The following KLF17 variants were observed in gnomAD, a reference collection of about 807,000 sequenced individuals.
The protein encoded by KLF17 is KLF transcription factor 17, also known as Krueppel-like factor 17.
Under a neutral mutation model 34.2 loss-of-function variants are expected in KLF17, and 31 were observed. The ratio of observed to expected loss-of-function variants is 0.91; its 90% CI spans 0.68 to 1.22. The LOEUF is 1.22. Ranked by LOEUF, KLF17 falls within the 50% of genes most tolerant of loss-of-function variation. The pLI is 0.00. For missense variants in KLF17, 478 were observed against 505.2 expected (o/e 0.95, Z 0.52); for synonymous variants, 179 against 186.7 (o/e 0.96, Z 0.34).
the KLF17 span, among the ~76,000 whole-genome samples, chr1:44,060,224 C>A: frequency 5.9e-5 from 9 of 152,230 alleles, no homozygotes; most frequent in Admixed American, 4.6e-4. Flanking sequence ...AATCCCAGCA[C>A]TTTAGGAGGC....
chr1:44,059,335 G>A, the KLF17 span, among the ~76,000 whole-genome samples: 1 of 152,146 alleles, frequency 6.6e-6, no homozygotes, highest in Non-Finnish European at 1.5e-5. Context: ...TGGGTATAGA[G>A]GCCACTCTAA....
chr1:44,105,675 T>C, the KLF17 span, among the ~76,000 whole-genome samples: 1 of 152,252 alleles, frequency 6.6e-6, no homozygotes. Flanking sequence ...TTTTTTCTTT[T>C]TAATTTTTTT....
chr1:44,068,025 T>G, the KLF17 span, among the ~76,000 whole-genome samples: 2 of 151,916 alleles, frequency 1.3e-5, no homozygotes, highest in Non-Finnish European at 2.9e-5. Context: ...CTCAGCACTT[T>G]TTTTTTCTTT....
the KLF17 span, chr1:44,074,930 G>A: frequency 2.0e-5 from 3 of 152,332 alleles, no homozygotes; most frequent in East Asian, 1.9e-4. Flanking sequence ...AGACTGACCA[G>A]TCAGTGGACA....
chr1:44,103,533 G>A, the KLF17 span: 8 of 1,326,920 alleles, frequency 6.0e-6, no homozygotes, highest in East Asian at 2.3e-5. Context: ...GGTGGTCTTC[G>A]TATGGATACT....
At chr1:44,075,030 G>T in the KLF17 span, 1 of 152,010 alleles carries the variant, frequency 6.6e-6, no homozygotes, top group African/African-American at 2.4e-5. Context: ...GACGGCTCAT[G>T]CCTGTAATCC....
chr1:44,130,986 G>T (rs529840932), intron 3 of KLF17, among the ~76,000 whole-genome samples: 1 of 152,026 alleles, frequency 6.6e-6, no homozygotes, highest in East Asian at 1.9e-4. Context: ...TAGTAGAGAC[G>T]GGGTTTCACT....
the KLF17 span, among the ~76,000 whole-genome samples, chr1:44,067,991 G>A: frequency 3.3e-5 from 5 of 152,132 alleles, no homozygotes; most frequent in South Asian, 1.0e-3. Flanking sequence ...ATCTGGGCAT[G>A]AGAAGGACAG....
chr1:44,128,039 C>A (rs997336375), intron 1 of KLF17, among the ~76,000 whole-genome samples: 2 of 152,002 alleles, frequency 1.3e-5, no homozygotes, highest in African/African-American at 4.8e-5. Flanking sequence ...ATTCGTTTCT[C>A]AACTCAAGAG....
chr1:44,086,288 G>A, the KLF17 span, among the ~76,000 whole-genome samples: 1 of 152,190 alleles, frequency 6.6e-6, no homozygotes, highest in Admixed American at 6.6e-5. Flanking sequence ...GCAACATGGA[G>A]AAACCCCGTC....
At chr1:44,066,515 C>T in the KLF17 span, among the ~76,000 whole-genome samples, 1 of 151,800 alleles carries the variant, frequency 6.6e-6, no homozygotes, top group Non-Finnish European at 1.5e-5. Flanking sequence ...AAAGAGCCAC[C>T]ATGCCTGGCC....
chr1:44,091,635 CAAA>C, the KLF17 span, among the ~76,000 whole-genome samples: 10 of 79,028 alleles, frequency 1.3e-4, no homozygotes, highest in Non-Finnish European at 2.0e-4. Flanking sequence ...GACTCCATCT[CAAA>C]AAAAAAAAAA....
rs369800381 is a variant in KLF17, at chr1:44,130,215, G to C, written c.925+19G>C. 6.3e-6 allele frequency: 10 copies of C among 1,594,266 alleles called. No homozygotes were observed. In the Admixed American group the frequency reaches 1.2e-4, roughly 19 times the overall value. On this transcript the variant is annotated intron_variant, in intron 2 of 3. Coordinates refer to ENST00000372299, the MANE Select transcript of KLF17 (RefSeq NM_173484.4). ...CACACAGGTGAAGGAGGTGTCAGGT[G>C]GGGTGGGGATGGAGGAGTCTCTGGG...
At chr1:44,062,715 CAAA>C in the KLF17 span, among the ~76,000 whole-genome samples, 112 of 118,656 alleles carry the variant, frequency 9.4e-4, no homozygotes, top group African/African-American at 2.8e-3. Context: ...GAACCTGTCT[CAAA>C]AAAAAAAAAA....
chr1:44,092,250 G>A, the KLF17 span, among the ~76,000 whole-genome samples: 7 of 152,028 alleles, frequency 4.6e-5, no homozygotes, highest in African/African-American at 1.7e-4. Context: ...GCTGAGGCAG[G>A]AGAATCACTT....
the KLF17 span, chr1:44,101,422 A>C: frequency 7.3e-6 from 1 of 137,624 alleles, no homozygotes; most frequent in African/African-American, 2.5e-5. Context: ...TGACTGAAAC[A>C]GTTCCCTCCG....
chr1:44,054,262 C>T, the KLF17 span, among the ~76,000 whole-genome samples: 7 of 152,102 alleles, frequency 4.6e-5, no homozygotes, highest in South Asian at 8.3e-4. Flanking sequence ...AACCCTTAGA[C>T]GTTGCTTTTA....
At chr1:44,078,835 C>T in the KLF17 span, among the ~76,000 whole-genome samples, 3 of 152,110 alleles carry the variant, frequency 2.0e-5, no homozygotes, top group Non-Finnish European at 4.4e-5. Context: ...ACCAGTGCCC[C>T]AGTGGACCGT....
At chr1:44,103,725 G>T in the KLF17 span, 1 of 1,472,878 alleles carries the variant, frequency 6.8e-7, no homozygotes, top group Non-Finnish European at 9.4e-7. Context: ...GGACAGCTTG[G>T]CGTTGGCACC....
Sources: allele counts gnomAD v4.1 joint callset (sites outside exome capture counted in the v4.1 genomes callset), GRCh38; gene constraint gnomAD v4.1.1; transcripts MANE v1.5; gene names NCBI Gene and HGNC (gene_info 2026-07-23, HGNC 2026-07-21).